ATP9B: variants seen among roughly 807,000 people sequenced by gnomAD.
ATP9B encodes the protein ATPase phospholipid transporting 9B, also known as probable phospholipid-transporting ATPase IIB.
ATP9B carries 110 observed loss-of-function variants against 146.1 expected under a neutral mutation model. The observed-to-expected ratio is 0.75, with a 90% confidence interval of 0.65 to 0.88. The LOEUF is 0.88. Among genes scored for constraint, ATP9B ranks in the 40% least tolerant of loss-of-function variants. The probability of loss-of-function intolerance (pLI) is 0.00; values close to 1 mark genes in which losing one functional copy is unlikely to be tolerated. For missense variants in ATP9B, 1,499 were observed against 1,496.4 expected (o/e 1.00, Z -0.03); for synonymous variants, 604 against 569.7 (o/e 1.06, Z -0.86).
intron 11 of ATP9B, among the ~76,000 whole-genome samples, chr18:79,232,747 G>A (rs532060682): frequency 1.2e-4 from 18 of 152,292 alleles, no homozygotes; most frequent in African/African-American, 2.9e-4. Context: ...GACAACTCGC[G>A]AAAACGGAGA....
intron 11 of ATP9B, among the ~76,000 whole-genome samples, chr18:79,219,515 A>G (rs2095658580): frequency 6.6e-6 from 1 of 151,482 alleles, no homozygotes; most frequent in Non-Finnish European, 1.5e-5. Flanking sequence ...GTGGGCATCC[A>G]GTAGTAACTT....
chr18:79,360,800 T>C (rs905362623), intron 26 of ATP9B: 2 of 152,236 alleles, frequency 1.3e-5, no homozygotes, highest in African/African-American at 4.8e-5. Context: ...GGCATCATCG[T>C]GACTACTGGG....
chr18:79,205,891 A>G (rs1220212705), intron 9 of ATP9B, among the ~76,000 whole-genome samples: 2 of 152,080 alleles, frequency 1.3e-5, no homozygotes, highest in South Asian at 4.1e-4. Flanking sequence ...TTAGCATCAT[A>G]TAACGTACTT....
intron 15 of ATP9B, among the ~76,000 whole-genome samples, chr18:79,322,182 C>G (rs1200834797): frequency 2.6e-5 from 4 of 152,170 alleles, no homozygotes; most frequent in African/African-American, 9.7e-5. Context: ...ATTTTAGACT[C>G]TCGGTGTACT....
intron 9 of ATP9B, among the ~76,000 whole-genome samples, chr18:79,203,401 G>A (rs2095506364): frequency 6.6e-6 from 1 of 152,230 alleles, no homozygotes; most frequent in Non-Finnish European, 1.5e-5. Context: ...GGAGGCCCTG[G>A]AGGAGCAAGT....
chr18:79,147,295 G>T (rs1202542901), intron 6 of ATP9B, among the ~76,000 whole-genome samples: 3 of 152,204 alleles, frequency 2.0e-5, no homozygotes, highest in Non-Finnish European at 4.4e-5. Flanking sequence ...ATAAAAGTAG[G>T]GGATAGACGC....
intron 12 of ATP9B, among the ~76,000 whole-genome samples, chr18:79,272,009 G>A (rs907953686): frequency 1.8e-4 from 28 of 152,168 alleles, no homozygotes; most frequent in Middle Eastern, 3.4e-3. Context: ...GCATTTTTTT[G>A]TGTGTCTTTT....
chr18:79,328,000 G>GTGGTTAGCGTGCTCTCCA, intron 15 of ATP9B, among the ~76,000 whole-genome samples: 1 of 141,732 alleles, frequency 7.1e-6, no homozygotes, highest in African/African-American at 2.6e-5. Context: ...CGTGCTCTCC[G>GTGGTTAGCGTGCTCTCCA]TGGTTAGCGT....
At chr18:79,212,593 C>G (rs548429180) in intron 10 of ATP9B, among the ~76,000 whole-genome samples, 1 of 152,246 alleles carries the variant, frequency 6.6e-6, no homozygotes, top group South Asian at 2.1e-4. Context: ...TTGATTTAAA[C>G]TAGATTGGCA....
At chr18:79,327,629 G>A (rs1350945480) in intron 15 of ATP9B, among the ~76,000 whole-genome samples, 15 of 142,906 alleles carry the variant, frequency 1.0e-4, no homozygotes, top group African/African-American at 1.9e-4. Flanking sequence ...CCTGGTTAGT[G>A]TGCCCTCCCT....
chr18:79,184,094 T>C (rs951552848), intron 8 of ATP9B, among the ~76,000 whole-genome samples: 2 of 152,206 alleles, frequency 1.3e-5, no homozygotes, highest in African/African-American at 4.8e-5. Context: ...TGTTTTTCTT[T>C]ATGCATTTAT....
At chr18:79,171,358 A>G (rs1451671186) in intron 7 of ATP9B, among the ~76,000 whole-genome samples, 1 of 152,080 alleles carries the variant, frequency 6.6e-6, no homozygotes, top group Non-Finnish European at 1.5e-5. Flanking sequence ...ATACTAGTAT[A>G]GTTGAGTTAT....
intron 12 of ATP9B, chr18:79,254,304 AC>A (rs2096058279): frequency 6.6e-6 from 1 of 152,242 alleles, no homozygotes; most frequent in African/African-American, 2.4e-5. Flanking sequence ...CTATTTCTAA[AC>A]CAGCTTTCTC....
chr18:79,081,469 A>AT (rs1404905817), intron 1 of ATP9B, among the ~76,000 whole-genome samples: 1 of 151,380 alleles, frequency 6.6e-6, no homozygotes, highest in African/African-American at 2.4e-5. Context: ...CACCTTTATC[A>AT]TTTTTTATTG....
chr18:79,137,410 G>C (rs1209471558), intron 5 of ATP9B, among the ~76,000 whole-genome samples: 1 of 152,118 alleles, frequency 6.6e-6, no homozygotes, highest in Non-Finnish European at 1.5e-5. Flanking sequence ...ATATTGTTGA[G>C]TATTGTTTGG....
chr18:79,271,570 A>G (rs1279306296), intron 12 of ATP9B, among the ~76,000 whole-genome samples: 1 of 152,164 alleles, frequency 6.6e-6, no homozygotes, highest in Admixed American at 6.5e-5. Context: ...ACATGAACTC[A>G]TCATTTTTTA....
At chr18:79,102,228 G>T (rs2075332921) in intron 2 of ATP9B, among the ~76,000 whole-genome samples, 1 of 152,104 alleles carries the variant, frequency 6.6e-6, no homozygotes, top group African/African-American at 2.4e-5. Context: ...TTTTAATTTT[G>T]GTGAGGTCTG....
intron 23 of ATP9B, among the ~76,000 whole-genome samples, chr18:79,346,900 G>T (rs1208934078): frequency 6.6e-6 from 1 of 152,240 alleles, no homozygotes; most frequent in Non-Finnish European, 1.5e-5. Context: ...GGAGGAATTG[G>T]TCGGAGTCCC....
intron 5 of ATP9B, among the ~76,000 whole-genome samples, chr18:79,141,243 T>C (rs971757379): frequency 6.6e-6 from 1 of 152,174 alleles, no homozygotes; most frequent in Non-Finnish European, 1.5e-5. Context: ...GCTGCCACCA[T>C]GTGAAGAAGG....
Sources: gnomAD v4.1 joint callset for allele counts (sites outside exome capture counted in the v4.1 genomes callset) on GRCh38, gnomAD v4.1.1 for gene constraint, MANE v1.5 for transcripts, NCBI Gene and HGNC (gene_info 2026-07-23, HGNC 2026-07-21) for gene names.